Variants in TMC5 observed in about 807,000 individuals in gnomAD.
The protein encoded by TMC5 is transmembrane channel-like protein 5.
In TMC5, 86 loss-of-function variants were observed where a neutral mutation model predicts 110.5. That is an observed-to-expected ratio of 0.78 (90% CI 0.65 to 0.93). The LOEUF (loss-of-function observed/expected upper bound fraction) is 0.93. TMC5 is among the 40% of genes least tolerant of loss of function. The pLI is 0.00. For synonymous variants in TMC5, 455 were observed against 439.5 expected, an observed-to-expected ratio of 1.04 and a Z score of -0.44; for missense variants, 1,144 against 1,222.8, an observed-to-expected ratio of 0.94 and a Z score of 0.96.
At chr16:19,419,347 A>G (rs947759573) in intron 1 of TMC5, among the ~76,000 whole-genome samples, 1 of 149,122 alleles carries the variant, frequency 6.7e-6, no homozygotes, top group African/African-American at 2.5e-5. Context: ...TTGTTTGACT[A>G]GATTCTTTCT....
At chr16:19,416,190 GAAA>G (rs752182776), upstream of TMC5, among the ~76,000 whole-genome samples, 2 of 125,940 alleles carry the variant, frequency 1.6e-5, no homozygotes, top group African/African-American at 5.7e-5. Flanking sequence ...TGTCTCAAAG[GAAA>G]AAAAAAAAAA....
intron 11 of TMC5, among the ~76,000 whole-genome samples, chr16:19,472,763 C>T (rs971844933): frequency 3.3e-5 from 5 of 152,190 alleles, no homozygotes; most frequent in East Asian, 1.9e-4. Context: ...GGCCTTGCAG[C>T]TTACGTGTGG....
intron 5 of TMC5, among the ~76,000 whole-genome samples, chr16:19,459,206 T>C (rs1243616788): frequency 6.6e-6 from 1 of 152,076 alleles, no homozygotes; most frequent in Non-Finnish European, 1.5e-5. Context: ...TAAAACTTGC[T>C]CTTTGGGCCT....
chr16:19,472,616 C>T (rs1008757817), intron 11 of TMC5, among the ~76,000 whole-genome samples: 2 of 152,170 alleles, frequency 1.3e-5, no homozygotes, highest in African/African-American at 4.8e-5. Context: ...TCAGCTGTGT[C>T]GTTTCACAGC....
chr16:19,471,891 G>C (rs1444598682), intron 10 of TMC5, among the ~76,000 whole-genome samples, 197 bp from the exon 11 acceptor site: 1 of 152,166 alleles, frequency 6.6e-6, no homozygotes, highest in East Asian at 1.9e-4. Flanking sequence ...CTCCCGAGTA[G>C]CTGGGATTAC....
chr16:19,472,292 G>A (rs375149068), intron 11 of TMC5, 49 bp downstream of exon 11: 1 of 1,598,878 alleles, frequency 6.3e-7, no homozygotes, highest in Non-Finnish European at 8.5e-7. Flanking sequence ...GAAGGGATGA[G>A]ATGCTGGAGG....
chr16:19,430,051 G>A (rs892750808), intron 1 of TMC5, among the ~76,000 whole-genome samples: 9 of 152,090 alleles, frequency 5.9e-5, no homozygotes, highest in Non-Finnish European at 8.8e-5. Context: ...GTCACGGTAT[G>A]AACAGCATAT....
At position 19,429,976 on chromosome 16, in the gene TMC5, G is replaced by A. The variant is rs902401277; in HGVS notation, c.-307-437G>A. 2.6e-5 allele frequency among the ~76,000 whole-genome samples: 4 copies of A among 151,894 alleles called. No homozygotes were observed. In the South Asian group the frequency reaches 8.4e-4, roughly 32 times the overall value. On this transcript the variant is annotated intron_variant, in intron 1 of 21. Transcript: ENST00000542583. ...CTACTTAGAAATCAGGTCACATTCT[G>A]AAGTACTGCGGACTGGGACTTGAAC... is the stretch of plus-strand genomic sequence containing the variant.
intron 4 of TMC5, among the ~76,000 whole-genome samples, chr16:19,448,268 C>T (rs1286628811): frequency 1.3e-5 from 2 of 150,072 alleles, no homozygotes; most frequent in African/African-American, 4.9e-5. Context: ...ATAGGTGTGT[C>T]CTGGATCTCA....
rs116059597 is a variant in TMC5, at chr16:19,443,467, G to A, written c.789-614G>A. 6.1e-3 allele frequency among the ~76,000 whole-genome samples: 920 copies of A among 152,046 alleles called. 10 individuals carry two copies. Among genetic ancestry groups the A allele is most frequent in the African/African-American group, 0.021 (871 of 41,450 alleles). ...TCTCAGCAAGAATTATCTTTCCTCC[G>A]AACTCCTTGGGCCTGTCTTCAGATA... On this transcript the variant is annotated intron_variant, in intron 3 of 21. Transcript: ENST00000542583.
At chr16:19,483,218 C>T (rs955284344) in intron 15 of TMC5, among the ~76,000 whole-genome samples, 1 of 152,122 alleles carries the variant, frequency 6.6e-6, no homozygotes, top group African/African-American at 2.4e-5. Flanking sequence ...AGTGCAGTGG[C>T]ATGATCATGG....
intron 5 of TMC5, among the ~76,000 whole-genome samples, chr16:19,451,262 C>G (rs902600930): frequency 6.6e-6 from 1 of 152,130 alleles, no homozygotes; most frequent in Non-Finnish European, 1.5e-5. Flanking sequence ...TACAATGATG[C>G]GTGTGGAGAG....
intron 5 of TMC5, among the ~76,000 whole-genome samples, chr16:19,459,917 C>CAAAAAAA (rs34853313): frequency 2.1e-5 from 2 of 95,674 alleles, no homozygotes; most frequent in African/African-American, 4.3e-5. Flanking sequence ...GATCCTGTCT[C>CAAAAAAA]AAAAAAAAAA....
chr16:19,489,583 C>A (rs927067631), intron 17 of TMC5, among the ~76,000 whole-genome samples: 7 of 151,846 alleles, frequency 4.6e-5, no homozygotes, highest in African/African-American at 7.3e-5. Flanking sequence ...ATCCACCCGC[C>A]TCGGCCTCCC....
rs144130376 is a variant in TMC5 at position 19,443,996 on chromosome 16, A to AATGG, written c.789-57_789-54dup. ...AAATAAATGGATGAATACATGATTG[A>AATGG]ATGGATGGATGGATGGATGGATGGA... is the stretch of plus-strand genomic sequence containing the variant. On this transcript the variant is annotated intron_variant, in intron 3 of 21. Transcript: ENST00000542583. The AATGG allele has an allele frequency of 1.5e-3, 1,772 of 1,158,578 alleles. 8 individuals are homozygous for AATGG. Among genetic ancestry groups the AATGG allele is most frequent in the African/African-American group, 7.0e-3 (442 of 63,478 alleles). 71.8% of individuals were successfully genotyped at this position (1,158,578 alleles called of 1,614,324 possible).
intron 3 of TMC5, among the ~76,000 whole-genome samples, chr16:19,441,886 C>A (rs1384008804): frequency 6.6e-6 from 1 of 152,224 alleles, no homozygotes; most frequent in Admixed American, 6.5e-5. Context: ...TCACCACAGC[C>A]TCTGCCTCCC....
At chr16:19,439,214 C>G (rs933197) in intron 2 of TMC5, among the ~76,000 whole-genome samples, 122,014 of 152,186 alleles carry the variant, frequency 0.8, 49,040 homozygotes, top group South Asian at 0.91. Flanking sequence ...ACAAAAGTAT[C>G]CTGTGGTCTG....
At chr16:19,455,214 G>C (rs1305782571) in intron 5 of TMC5, among the ~76,000 whole-genome samples, 1 of 151,960 alleles carries the variant, frequency 6.6e-6, no homozygotes, top group Admixed American at 6.6e-5. Flanking sequence ...TTGGGAGGCT[G>C]AGGCAGGCGA....
chr16:19,494,385 T>A lies in TMC5; in HGVS notation c.2931+19T>A. 6.3e-7 allele frequency: 1 copy of A among 1,599,602 alleles called. No homozygotes were observed. Among genetic ancestry groups the A allele is most frequent in the Non-Finnish European group, 8.6e-7 (1 of 1,169,436 alleles). On this transcript the variant is annotated intron_variant, in intron 20 of 21. Coordinates refer to ENST00000542583, the MANE Select transcript of TMC5 (RefSeq NM_001261841.2). ...GGTGGAGGTGAGTCTGGAGGCTGCC[T>A]TGGGGACCCCTGGGACACGAGCTTG... is the stretch of plus-strand genomic sequence containing the variant.
Sources: gnomAD v4.1 joint callset for allele counts (sites outside exome capture counted in the v4.1 genomes callset) on GRCh38, gnomAD v4.1.1 for gene constraint, MANE v1.5 for transcripts, NCBI Gene and HGNC (gene_info 2026-07-23, HGNC 2026-07-21) for gene names.